Variants in PRKD3 observed in about 807,000 individuals in gnomAD.
PRKD3 encodes serine/threonine-protein kinase D3.
PRKD3 carries 47 observed loss-of-function variants against 99.2 expected under a neutral mutation model. The observed-to-expected ratio is 0.47, with a 90% CI of 0.38 to 0.60. The LOEUF is 0.60. PRKD3 is among the 20% of genes least tolerant of loss of function. PRKD3 has a pLI of 0.00. For missense variants in PRKD3, 1,019 were observed against 1,088.4 expected, an observed-to-expected ratio of 0.94 and a Z score of 0.90; for synonymous variants, 392 against 355.4, an observed-to-expected ratio of 1.10 and a Z score of -1.16.
intron 2 of PRKD3, among the ~76,000 whole-genome samples, chr2:37,300,794 G>A (rs1205699796): frequency 6.6e-6 from 1 of 152,120 alleles, no homozygotes; most frequent in Non-Finnish European, 1.5e-5. Flanking sequence ...CCCACTTTTT[G>A]AGTCTGAATA....
At chr2:37,253,544 ACT>A in intron 18 of PRKD3, 194 bp from the exon 19 acceptor site, 1 of 484,304 alleles carries the variant, frequency 2.1e-6, no homozygotes, top group Non-Finnish European at 3.5e-6. Context: ...AATTTTTCAA[ACT>A]CAGAGTCTCC....
chr2:37,316,775 G>T lies in PRKD3; in HGVS notation c.-251C>A. 7.5e-7 allele frequency: 1 copy of T among 1,328,240 alleles called. No individual in the cohort carries two copies. Among genetic ancestry groups the T allele is most frequent in the Non-Finnish European group, 9.6e-7 (1 of 1,041,286 alleles). The allele number at this position is 1,328,240 out of a possible 1,614,324, so 82.3% of individuals were successfully genotyped here. ...TCTTGTCTGTAGGAAGACAACCAGGGATTTGTAAAGGATTTAACATCACTG... is the reference window on the plus strand; with the variant it reads ...TCTTGTCTGTAGGAAGACAACCAGGTATTTGTAAAGGATTTAACATCACTG... On this transcript the variant is annotated 5_prime_UTR_variant, in exon 2 of 19. Transcript: ENST00000234179.
Position 37,318,360 on chromosome 2 carries a change from A to C in PRKD3, c.-655-1181T>G, listed in dbSNP as rs183619657. Among the ~76,000 whole-genome samples, 7 of 152,334 alleles carry C rather than the reference A, an allele frequency of 4.6e-5. No homozygotes were observed. In the East Asian group the frequency reaches 1.3e-3, roughly 29 times the overall value. On this transcript the variant is annotated intron_variant, in intron 1 of 18. Coordinates refer to ENST00000234179, the MANE Select transcript of PRKD3 (RefSeq NM_005813.6). ...ACATACTTTACCTCATAACTCTTTG[A>C]AAGTTGACAGGGTAGAAATCATTTT...
At chr2:37,309,156 A>C (rs540257012) in intron 2 of PRKD3, among the ~76,000 whole-genome samples, 2 of 152,150 alleles carry the variant, frequency 1.3e-5, no homozygotes, top group Non-Finnish European at 2.9e-5. Context: ...GTCTTTAAAA[A>C]ATTTTTTAAA....
At chr2:37,269,591 A>G in intron 13 of PRKD3, 24 bp downstream of exon 13, 1 of 1,582,326 alleles carries the variant, frequency 6.3e-7, no homozygotes. Context: ...TGTGTACAAT[A>G]TGCAAACGGC....
chr2:37,262,245 T>C (rs1166253204), intron 14 of PRKD3, among the ~76,000 whole-genome samples: 1 of 152,182 alleles, frequency 6.6e-6, no homozygotes, highest in Non-Finnish European at 1.5e-5. Context: ...TCTAAGATGT[T>C]TCTTGAAGCC....
chr2:37,290,218 T>C (rs185514381), intron 4 of PRKD3, among the ~76,000 whole-genome samples: 2 of 152,348 alleles, frequency 1.3e-5, no homozygotes, highest in African/African-American at 4.8e-5. Context: ...GACAATTTAG[T>C]TGTATGTAAG....
chr2:37,322,238 A>C (rs1671916677), intron 1 of PRKD3, among the ~76,000 whole-genome samples: 1 of 152,132 alleles, frequency 6.6e-6, no homozygotes, highest in South Asian at 2.1e-4. Flanking sequence ...TCTTGCTTTT[A>C]TATTGTATGT....
intron 2 of PRKD3, among the ~76,000 whole-genome samples, chr2:37,308,087 T>C (rs1050572970): frequency 3.9e-5 from 6 of 152,242 alleles, no homozygotes; most frequent in African/African-American, 1.4e-4. Context: ...TCCTGCACGC[T>C]TGTTTACTAA....
intron 5 of PRKD3, among the ~76,000 whole-genome samples, chr2:37,286,913 C>T (rs955375962): frequency 6.6e-6 from 1 of 151,904 alleles, no homozygotes; most frequent in Non-Finnish European, 1.5e-5. Context: ...GAGACTATTC[C>T]AGAACCTAGC....
At chr2:37,269,715 TTA>T in intron 12 of PRKD3, 28 bp from the exon 13 acceptor site, 2 of 1,499,810 alleles carry the variant, frequency 1.3e-6, no homozygotes, top group Non-Finnish European at 1.8e-6. Flanking sequence ...GGAGTTAGTA[TTA>T]TTTATTTCTA....
At chr2:37,255,499 T>C (rs1667859994) in intron 17 of PRKD3, among the ~76,000 whole-genome samples, 1 of 151,674 alleles carries the variant, frequency 6.6e-6, no homozygotes, top group Middle Eastern at 3.2e-3. Flanking sequence ...GAACCAGGAG[T>C]TGCAAATTCA....
chr2:37,259,716 GA>G (rs771921704), intron 15 of PRKD3, 35 bp from the exon 16 acceptor site: 2 of 1,468,414 alleles, frequency 1.4e-6, no homozygotes, highest in Non-Finnish European at 1.9e-6. Context: ...TCAATGTCTG[GA>G]AAATCACAAG....
chr2:37,302,313 A>G (rs1000878466), intron 2 of PRKD3, among the ~76,000 whole-genome samples: 1 of 152,190 alleles, frequency 6.6e-6, no homozygotes, highest in Admixed American at 6.5e-5. Context: ...TGCAAAATGA[A>G]GTATTTTCCC....
At chr2:37,298,422 T>TTA (rs1553376025) in intron 2 of PRKD3, among the ~76,000 whole-genome samples, 11,011 of 151,488 alleles carry the variant, frequency 0.073, 1,347 homozygotes, top group African/African-American at 0.25. Flanking sequence ...TTTTTTTTTT[T>TTA]AAAAACAGAT....
intron 2 of PRKD3, among the ~76,000 whole-genome samples, chr2:37,310,313 T>C (rs1671366263): frequency 6.6e-6 from 1 of 152,214 alleles, no homozygotes; most frequent in Non-Finnish European, 1.5e-5. Flanking sequence ...AGCTAGCATA[T>C]ACTGTGTGAT....
At chr2:37,281,031 A>T (rs1669835822) in intron 7 of PRKD3, among the ~76,000 whole-genome samples, 1 of 152,182 alleles carries the variant, frequency 6.6e-6, no homozygotes, top group Non-Finnish European at 1.5e-5. Flanking sequence ...GCCACCAGGG[A>T]ACTGCAAATG....
chr2:37,300,925 G>C (rs1406770379), intron 2 of PRKD3, among the ~76,000 whole-genome samples: 1 of 152,134 alleles, frequency 6.6e-6, no homozygotes, highest in Non-Finnish European at 1.5e-5. Flanking sequence ...GTAATATATT[G>C]AGTATGTACT....
chr2:37,322,932 GAAC>G (rs1671946900), intron 1 of PRKD3, among the ~76,000 whole-genome samples: 1 of 151,342 alleles, frequency 6.6e-6, no homozygotes. Flanking sequence ...TTTTAAAAAC[GAAC>G]AATTAACTCC....
Sources: allele counts gnomAD v4.1 joint callset (sites outside exome capture counted in the v4.1 genomes callset), GRCh38; gene constraint gnomAD v4.1.1; transcripts MANE v1.5; gene names NCBI Gene and HGNC (gene_info 2026-07-23, HGNC 2026-07-21).